Variants in BIRC6 observed in about 807,000 individuals in gnomAD.
The protein encoded by BIRC6 is baculoviral IAP repeat containing 6, also known as dual E2 ubiquitin-conjugating enzyme/E3 ubiquitin-protein ligase BIRC6.
A neutral mutation model predicts 503.3 loss-of-function variants in BIRC6; 98 were observed. The ratio of observed to expected loss-of-function variants is 0.19; its 90% confidence interval spans 0.17 to 0.23. The LOEUF is 0.23. Ranked by LOEUF, BIRC6 falls within the 10% of genes least tolerant of loss-of-function variation. The probability of loss-of-function intolerance (pLI) is 1.00; values close to 1 mark genes in which losing one functional copy is unlikely to be tolerated. For missense variants in BIRC6, 5,360 were observed against 5,806.0 expected (o/e 0.92, Z 2.50); for synonymous variants, 2,240 against 2,078.7 (o/e 1.08, Z -2.11).
chr2:32,503,681 C>G (rs2053461589), intron 49 of BIRC6, among the ~76,000 whole-genome samples: 2 of 151,952 alleles, frequency 1.3e-5, no homozygotes, highest in African/African-American at 4.8e-5. Context: ...CTCGGCCTCC[C>G]AAAGTGCTGG....
chr2:32,553,062 T>C (rs1040330024), intron 65 of BIRC6, among the ~76,000 whole-genome samples: 1 of 148,874 alleles, frequency 6.7e-6, no homozygotes, highest in Non-Finnish European at 1.5e-5. Flanking sequence ...CCAGATGTGG[T>C]GGCACATGCC....
intron 33 of BIRC6, among the ~76,000 whole-genome samples, chr2:32,475,522 G>A (rs1227775999): frequency 6.6e-6 from 1 of 152,142 alleles, no homozygotes; most frequent in Non-Finnish European, 1.5e-5. Flanking sequence ...GACTGTTGTG[G>A]ATACATGAAC....
In BIRC6 at chr2:32,467,702, A is replaced by G. The variant is rs145085221; in HGVS notation, c.5534A>G (p.His1845Arg). 49 of 1,613,716 alleles carry G rather than the reference A, an allele frequency of 3.0e-5. No homozygotes were observed. Among genetic ancestry groups the G allele is most frequent in the Non-Finnish European group, 4.1e-5 (48 of 1,179,820 alleles). ...TDISTHSLIL[H>R]DLIPPPVCRF... ...ATAAGCACTCATTCACTAATTCTTC[A>G]TGACTTAATACCACCTCCCGTGTGC... is the stretch of plus-strand genomic sequence containing the variant. The change falls in exon 27 of 74, where the codon CAT becomes CGT. Residue 1845 changes from histidine (H) to arginine (R), a missense_variant. Physicochemically the swap from His to Arg is conservative, Grantham distance 29. Around this residue, in one of 16 missense-constraint regions of BIRC6, gnomAD observed 2,299 missense variants for 2,267.2 expected, o/e 1.01. Coordinates refer to ENST00000421745, the MANE Select transcript of BIRC6 (RefSeq NM_016252.4).
At chr2:32,408,333 C>G (rs773744443) in intron 9 of BIRC6, among the ~76,000 whole-genome samples, 1 of 152,128 alleles carries the variant, frequency 6.6e-6, no homozygotes, top group Non-Finnish European at 1.5e-5. Context: ...TGGTCTCGAG[C>G]TGCTGACCTC....
chr2:32,513,026 A>G lies in BIRC6; in HGVS notation c.10440A>G (p.Ser3480=), dbSNP rs1233176991. ...GRMNYMCPNS[S]TVEYGLLMPS... ...TGAACTACATGTGTCCTAACTCCTC[A>G]ACAGTAGAGTATGGTCTTCTGATGC... Residue 3480 remains serine (S), a synonymous_variant, in exon 54 of 74, where the codon TCA becomes TCG. Coordinates refer to ENST00000421745, the MANE Select transcript of BIRC6 (RefSeq NM_016252.4). The G allele has an allele frequency of 6.2e-7, 1 of 1,613,944 alleles. No individual in the cohort carries two copies. The highest frequency in any genetic ancestry group is 8.5e-7 in the Non-Finnish European group (1 of 1,179,832).
intron 65 of BIRC6, among the ~76,000 whole-genome samples, chr2:32,566,664 T>G (rs2059554668): frequency 6.6e-6 from 1 of 152,216 alleles, no homozygotes; most frequent in African/African-American, 2.4e-5. Flanking sequence ...ACATATTTTT[T>G]TAATTGACAT....
chr2:32,403,933 T>G (rs912206050), intron 8 of BIRC6, among the ~76,000 whole-genome samples: 1 of 150,918 alleles, frequency 6.6e-6, no homozygotes, highest in Non-Finnish European at 1.5e-5. Context: ...TGTGTGTTTT[T>G]TTTTTTTTTT....
chr2:32,503,408 C>CTTTGTTTGTTTG (rs146429810), intron 49 of BIRC6, among the ~76,000 whole-genome samples, 172 bp downstream of exon 49: 2 of 150,970 alleles, frequency 1.3e-5, no homozygotes, highest in African/African-American at 4.9e-5. Flanking sequence ...AGAGGGAATG[C>CTTTGTTTGTTTG]TTTGTTTGTT....
intron 65 of BIRC6, among the ~76,000 whole-genome samples, chr2:32,568,076 C>T (rs1381760303): frequency 3.3e-5 from 5 of 152,088 alleles, no homozygotes; most frequent in African/African-American, 4.8e-5. Context: ...TGTGCCACTG[C>T]ACTCCAGACT....
chr2:32,547,833 T>C lies in BIRC6; in HGVS notation c.12811-17T>C. ...AAAAACAAATTGTAATGGATTTTCA[T>C]TTTTTGTTATTTTAAGCCACAGGTG... On this transcript the variant is annotated splice_polypyrimidine_tract_variant and intron_variant, in intron 63 of 73. Transcript: ENST00000421745. 6.5e-7 allele frequency: 1 copy of C among 1,530,932 alleles called. No homozygotes were observed. The highest frequency in any genetic ancestry group is 8.8e-7 in the Non-Finnish European group (1 of 1,140,602). 94.8% of individuals were successfully genotyped at this position (1,530,932 alleles called of 1,614,324 possible). A position where few individuals can be genotyped will look rare whatever the true frequency, so the allele number is the denominator to read the frequency against.
At position 32,433,898 on chromosome 2, in the gene BIRC6, C is replaced by G. The variant is rs928470584; in HGVS notation, c.3409+94C>G. ...CCTTGGCTAAGTTTCGTGTCCCTTTCTGTCCCTTGTTGCCATTTGCCTGCT... is the reference window on the plus strand; with the variant it reads ...CCTTGGCTAAGTTTCGTGTCCCTTTGTGTCCCTTGTTGCCATTTGCCTGCT... On this transcript the variant is annotated intron_variant, in intron 13 of 73. Transcript: ENST00000421745. 2.8e-6 allele frequency: 3 copies of G among 1,060,492 alleles called. No individual in the cohort carries two copies. In the African/African-American group the frequency reaches 4.7e-5, roughly 17 times the overall value. The allele number at this position is 1,060,492 out of a possible 1,614,324, so 65.7% of individuals were successfully genotyped here.
intron 3 of BIRC6, among the ~76,000 whole-genome samples, chr2:32,386,265 G>C (rs949379206): frequency 6.6e-6 from 1 of 152,108 alleles, no homozygotes; most frequent in Non-Finnish European, 1.5e-5. Context: ...CTACCTACCA[G>C]ATATCAGGGG....
chr2:32,407,187 G>A (rs935389158), intron 9 of BIRC6, among the ~76,000 whole-genome samples: 2 of 151,874 alleles, frequency 1.3e-5, no homozygotes, highest in Non-Finnish European at 2.9e-5. Context: ...GGCTTACGTC[G>A]GTAATCCTAG....
At chr2:32,507,908 C>A in intron 50 of BIRC6, 72 bp from the exon 51 acceptor site, 2 of 1,383,246 alleles carry the variant, frequency 1.4e-6, no homozygotes, top group Non-Finnish European at 1.9e-6. Flanking sequence ...TGCTATTTTA[C>A]TGGGATTTTA....
At chr2:32,538,804 C>T (rs566442294) in intron 61 of BIRC6, among the ~76,000 whole-genome samples, 2 of 152,248 alleles carry the variant, frequency 1.3e-5, no homozygotes, top group South Asian at 2.1e-4. Context: ...TGGTAGCACA[C>T]CTCTGAAATC....
chr2:32,591,323 G>T lies in BIRC6; in HGVS notation c.13356-2592G>T, dbSNP rs1434182327. Among the ~76,000 whole-genome samples, 4 of 151,786 alleles carry T rather than the reference G, an allele frequency of 2.6e-5. No individual in the cohort carries two copies. The East Asian group carries it at 7.7e-4, about 29-fold the overall frequency. On this transcript the variant is annotated intron_variant, in intron 66 of 73. Coordinates refer to ENST00000421745, the MANE Select transcript of BIRC6 (RefSeq NM_016252.4). Reference sequence around the variant, plus strand: ...GTAAAGAATTTTTTTAAACTTCTGAGGATTCTTGCACAATTATTTTTCTTT... The same window carrying T: ...GTAAAGAATTTTTTTAAACTTCTGATGATTCTTGCACAATTATTTTTCTTT...
At chr2:32,577,723 G>A (rs547452585) in intron 66 of BIRC6, among the ~76,000 whole-genome samples, 2 of 152,076 alleles carry the variant, frequency 1.3e-5, no homozygotes, top group Admixed American at 6.6e-5. Flanking sequence ...TTTGAGAAAG[G>A]AATCTTCTTT....
chr2:32,502,839 C>G lies in BIRC6; in HGVS notation c.9252C>G (p.Phe3084Leu). The change falls in exon 48 of 74, where the codon TTC (phenylalanine) becomes TTG (leucine). Residue 3084 changes from phenylalanine (F) to leucine (L), a missense_variant. Physicochemically the swap from Phe to Leu is conservative, Grantham distance 22. Around this residue, in one of 16 missense-constraint regions of BIRC6, gnomAD observed 267 missense variants for 287.6 expected, o/e 0.93. Transcript: ENST00000421745. ...AGTTATCTGAGCCATTATTGTGGTT[C>G]ATTTTGAGAGTATTGGATACTAGTG... The part of the protein sequence containing the change: ...TCQLSEPLLW[F>L]ILRVLDTSDA... 6.2e-7 allele frequency: 1 copy of G among 1,612,718 alleles called. No homozygotes were observed. The highest frequency in any genetic ancestry group is 1.7e-5 in the Admixed American group (1 of 59,830).
At chr2:32,451,077 A>G (rs965385823) in intron 22 of BIRC6, among the ~76,000 whole-genome samples, 8 of 152,154 alleles carry the variant, frequency 5.3e-5, no homozygotes, top group Admixed American at 3.9e-4. Flanking sequence ...CCCATACTAC[A>G]ATCATAGCTT....
Sources: gnomAD v4.1 joint callset for allele counts (sites outside exome capture counted in the v4.1 genomes callset) on GRCh38, gnomAD v4.1.1 for gene constraint, gnomAD v4.1.1 regional missense constraint, MANE v1.5 for transcripts, NCBI Gene and HGNC (gene_info 2026-07-23, HGNC 2026-07-21) for gene names.